The following CREB5 variants were observed in gnomAD, a reference collection of about 807,000 sequenced individuals.
The protein encoded by CREB5 is cAMP responsive element binding protein 5.
CREB5 carries 19 observed loss-of-function variants against 57.1 expected under a neutral mutation model. The observed-to-expected ratio is 0.33, with a 90% confidence interval of 0.23 to 0.49. The LOEUF (loss-of-function observed/expected upper bound fraction) is 0.49, where lower values mean the gene tolerates loss of function less well. Among genes scored for constraint, CREB5 ranks in the 20% least tolerant of loss-of-function variants. The pLI is 0.99. For missense variants in CREB5, 579 were observed against 671.6 expected (o/e 0.86, Z 1.52); for synonymous variants, 238 against 238.3 (o/e 1.00, Z 0.01).
At chr7:28,444,151 A>G (rs1233379111) in intron 1 of CREB5, among the ~76,000 whole-genome samples, 2 of 152,144 alleles carry the variant, frequency 1.3e-5, no homozygotes, top group African/African-American at 4.8e-5. Flanking sequence ...AAAAGTGCAA[A>G]CCATTAAATG....
chr7:28,744,097 G>A (rs1179186290), intron 7 of CREB5, among the ~76,000 whole-genome samples: 22 of 126,504 alleles, frequency 1.7e-4, no homozygotes, highest in South Asian at 1.1e-3. Context: ...GAGAATATGC[G>A]GTGTTTGGTT....
intron 5 of CREB5, among the ~76,000 whole-genome samples, chr7:28,637,844 T>G (rs1167020719): frequency 1.3e-5 from 2 of 152,204 alleles, no homozygotes; most frequent in African/African-American, 4.8e-5. Flanking sequence ...TTTTTTATTT[T>G]TTACTGTGTT....
In CREB5 at chr7:28,560,991, T is replaced by TGCGC. The variant is rs1349449277; in HGVS notation, c.292-9373_292-9372insCGCG. Among the ~76,000 whole-genome samples, 145 of 47,030 alleles carry TGCGC rather than the reference T, an allele frequency of 3.1e-3. 15 individuals are homozygous for TGCGC. The highest frequency in any genetic ancestry group is 6.3e-3 in the African/African-American group (101 of 16,130). The allele number at this position is 47,030 out of a possible 152,430, so 30.9% of individuals were successfully genotyped here. A position where few individuals can be genotyped will look rare whatever the true frequency, so the allele number is the denominator to read the frequency against. On this transcript the variant is annotated intron_variant, in intron 4 of 10. Coordinates refer to ENST00000357727, the MANE Select transcript of CREB5 (RefSeq NM_182898.4). ...GTGTGTGCGTGTGTGCGTGCGTGTG[T>TGCGC]GTGCCTGCGTGTGCGTGTGTGTGTG...
intron 7 of CREB5, among the ~76,000 whole-genome samples, chr7:28,788,399 C>A (rs1199911464): frequency 6.6e-6 from 1 of 152,172 alleles, no homozygotes; most frequent in East Asian, 1.9e-4. Flanking sequence ...TTGTTACCAA[C>A]TGAAAACACT....
intron 4 of CREB5, among the ~76,000 whole-genome samples, chr7:28,512,345 A>G (rs1288972021): frequency 1.3e-5 from 2 of 152,140 alleles, no homozygotes; most frequent in Non-Finnish European, 2.9e-5. Flanking sequence ...GCTGGGCGGA[A>G]TCTTCCAGAA....
intron 1 of CREB5, among the ~76,000 whole-genome samples, chr7:28,459,176 G>A (rs1790243298): frequency 6.6e-6 from 1 of 152,138 alleles, no homozygotes; most frequent in Non-Finnish European, 1.5e-5. Context: ...GTGGTTTGTG[G>A]TGGTCACGCT....
At chr7:28,735,101 C>A (rs558035852) in intron 7 of CREB5, among the ~76,000 whole-genome samples, 12 of 151,480 alleles carry the variant, frequency 7.9e-5, no homozygotes, top group Non-Finnish European at 1.8e-4. Flanking sequence ...TACACTTAAT[C>A]GTTTTGGTTT....
chr7:28,598,387 T>C (rs929252650), intron 5 of CREB5, among the ~76,000 whole-genome samples: 4 of 152,190 alleles, frequency 2.6e-5, no homozygotes, highest in Non-Finnish European at 5.9e-5. Flanking sequence ...GAAAATGGAC[T>C]ACTACAATGT....
At chr7:28,590,525 T>G in intron 5 of CREB5, among the ~76,000 whole-genome samples, 1 of 93,932 alleles carries the variant, frequency 1.1e-5, no homozygotes, top group Admixed American at 1.5e-4. Context: ...CCAGGGCCTG[T>G]TGTGGGGTGG....
chr7:28,645,587 G>A (rs1011711642), intron 5 of CREB5, among the ~76,000 whole-genome samples: 2 of 152,154 alleles, frequency 1.3e-5, no homozygotes, highest in African/African-American at 4.8e-5. Context: ...TGTTATGATT[G>A]GAGATTTTTG....
chr7:28,809,511 C>A, intron 9 of CREB5, 97 bp downstream of exon 9: 1 of 1,117,038 alleles, frequency 9.0e-7, no homozygotes, highest in Non-Finnish European at 1.3e-6. Context: ...GCAGTGATAC[C>A]ACACACTTAG....
In CREB5 at chr7:28,575,952, G is replaced by A. The variant is rs73079864; in HGVS notation, c.464+5415G>A. On this transcript the variant is annotated intron_variant, in intron 5 of 10. Transcript: ENST00000357727. Reference sequence around the variant, plus strand: ...GTACTGATACTTGAGGAAATATAATGTTTCTTAACATTCAAAAGTTGTAAC... The same window carrying A: ...GTACTGATACTTGAGGAAATATAATATTTCTTAACATTCAAAAGTTGTAAC... Among the ~76,000 whole-genome samples, 331 of 152,326 alleles carry A rather than the reference G, an allele frequency of 2.2e-3. 1 individual carries two copies. Among genetic ancestry groups the A allele is most frequent in the Middle Eastern group, 6.8e-3 (2 of 294 alleles).
chr7:28,473,120 C>T (rs1253681382), intron 1 of CREB5, among the ~76,000 whole-genome samples: 2 of 152,098 alleles, frequency 1.3e-5, no homozygotes, highest in Admixed American at 6.5e-5. Flanking sequence ...GCCAGGAGTT[C>T]AAGACCAGCC....
At chr7:28,363,022 A>G (rs796230230) in intron 1 of CREB5, among the ~76,000 whole-genome samples, 15 of 152,312 alleles carry the variant, frequency 9.8e-5, no homozygotes, top group African/African-American at 3.6e-4. Flanking sequence ...GCATTTTCTA[A>G]GTTAAGATTG....
intron 5 of CREB5, among the ~76,000 whole-genome samples, chr7:28,628,088 A>T (rs768828302): frequency 6.6e-6 from 1 of 151,946 alleles, no homozygotes; most frequent in Non-Finnish European, 1.5e-5. Context: ...TTATTCTCTT[A>T]TTCTAACAGG....
intron 5 of CREB5, among the ~76,000 whole-genome samples, chr7:28,578,097 A>C (rs1795972464): frequency 6.6e-6 from 1 of 152,220 alleles, no homozygotes; most frequent in African/African-American, 2.4e-5. Context: ...ATTTTGTGGA[A>C]GATCTGAAAC....
At chr7:28,315,778 A>G (rs750262912) in intron 1 of CREB5, among the ~76,000 whole-genome samples, 7 of 152,190 alleles carry the variant, frequency 4.6e-5, no homozygotes, top group Non-Finnish European at 1.0e-4. Flanking sequence ...GGCTCTGCAC[A>G]TCACCCAGCT....
At chr7:28,512,643 A>AC (rs1263882551) in intron 4 of CREB5, among the ~76,000 whole-genome samples, 1 of 115,706 alleles carries the variant, frequency 8.6e-6, no homozygotes, top group East Asian at 2.2e-4. Flanking sequence ...TTATCATATA[A>AC]TAACTGTGTG....
chr7:28,637,639 G>A (rs1306274948), intron 5 of CREB5, among the ~76,000 whole-genome samples: 1 of 152,182 alleles, frequency 6.6e-6, no homozygotes, highest in African/African-American at 2.4e-5. Flanking sequence ...GTGTGAAGAT[G>A]CAGAGGGCAA....
Sources: allele counts gnomAD v4.1 joint callset (sites outside exome capture counted in the v4.1 genomes callset), GRCh38; gene constraint gnomAD v4.1.1; transcripts MANE v1.5; gene names NCBI Gene and HGNC (gene_info 2026-07-23, HGNC 2026-07-21).